Variants in BCL2L14 observed in about 807,000 individuals in gnomAD.
The protein encoded by BCL2L14 is apoptosis facilitator Bcl-2-like protein 14.
BCL2L14 carries 27 observed loss-of-function variants against 35.3 expected under a neutral mutation model. The ratio of observed to expected loss-of-function variants is 0.76; its 90% CI spans 0.56 to 1.05. The LOEUF (loss-of-function observed/expected upper bound fraction) is 1.05, where lower values mean the gene tolerates loss of function less well. Ranked by LOEUF, BCL2L14 falls within the 50% of genes least tolerant of loss-of-function variation. BCL2L14 has a pLI of 0.00. For synonymous variants in BCL2L14, 139 were observed against 145.9 expected (o/e 0.95, Z 0.34); for missense variants, 377 against 382.6 (o/e 0.99, Z 0.12).
intron 3 of BCL2L14, 80 bp from the exon 4 acceptor site, chr12:12,090,699 C>A: frequency 2.8e-6 from 3 of 1,088,836 alleles, no homozygotes; most frequent in Non-Finnish European, 1.4e-6. Context: ...TACCAAGCCA[C>A]AAGCATTCAT....
intron 2 of BCL2L14, among the ~76,000 whole-genome samples, chr12:12,085,737 G>T (rs1273914425): frequency 6.6e-6 from 1 of 152,154 alleles, no homozygotes; most frequent in African/African-American, 2.4e-5. Flanking sequence ...AATCCAGGGA[G>T]AGGGATCAGG....
intron 2 of BCL2L14, 105 bp downstream of exon 2, chr12:12,079,843 A>G (rs1193656217): frequency 3.5e-6 from 4 of 1,157,688 alleles, no homozygotes; most frequent in Non-Finnish European, 4.9e-6. Flanking sequence ...TAGAGAAGGC[A>G]TGCGTTGTGC....
chr12:12,080,951 A>G (rs1312751854), intron 2 of BCL2L14, among the ~76,000 whole-genome samples: 1 of 152,200 alleles, frequency 6.6e-6, no homozygotes, highest in Non-Finnish European at 1.5e-5. Context: ...TGGGAGGCCA[A>G]GGTGGGTGGA....
At chr12:12,082,273 G>A (rs1948944770) in intron 2 of BCL2L14, among the ~76,000 whole-genome samples, 1 of 152,180 alleles carries the variant, frequency 6.6e-6, no homozygotes, top group Non-Finnish European at 1.5e-5. Context: ...GCCCAGCTAG[G>A]GCAGGTCTAG....
intron 5 of BCL2L14, among the ~76,000 whole-genome samples, chr12:12,097,111 C>T (rs1224045390): frequency 6.6e-6 from 1 of 152,092 alleles, no homozygotes; most frequent in Non-Finnish European, 1.5e-5. Flanking sequence ...CGCCACTGCA[C>T]TCCAGCCTGG....
chr12:12,072,279 G>A (rs1948683341), intron 1 of BCL2L14: 2 of 152,258 alleles, frequency 1.3e-5, no homozygotes, highest in Non-Finnish European at 2.9e-5. Flanking sequence ...AGTCCGCAGA[G>A]CGAGAACCGT....
In BCL2L14 at chr12:12,072,876, GTT is replaced by G. The variant is rs11331613; in HGVS notation, c.-8+1749_-8+1750del. ...AAAAACTCTGTGTTTGTGTGGGTGG[GTT>G]TTTTTTTTTCTTTATTTTTGTTTCT... On this transcript the variant is annotated intron_variant, in intron 1 of 5. Transcript: ENST00000308721. 8.7e-5 allele frequency among the ~76,000 whole-genome samples: 13 copies of G among 148,834 alleles called. No homozygotes were observed. The South Asian group carries it at 1.3e-3, about 15-fold the overall frequency.
At chr12:12,054,514 A>T (rs554243123) in intron 2 of BCL2L14, 35 of 7,722 alleles carry the variant, frequency 4.5e-3, no homozygotes, top group African/African-American at 0.013. Flanking sequence ...GAAAAAAAAA[A>T]AAAATAAAAT....
At chr12:12,080,068 G>A (rs971930040) in intron 2 of BCL2L14, among the ~76,000 whole-genome samples, 2 of 152,150 alleles carry the variant, frequency 1.3e-5, no homozygotes, top group Non-Finnish European at 2.9e-5. Context: ...AGCCGGGCGT[G>A]TTGGCGGGTG....
chr12:12,085,421 G>A (rs11054673), intron 2 of BCL2L14, among the ~76,000 whole-genome samples: 23 of 152,220 alleles, frequency 1.5e-4, no homozygotes, highest in African/African-American at 5.3e-4. Flanking sequence ...GGGGCCATGG[G>A]TGGCCAGAGT....
At chr12:12,078,635 G>A (rs1008088545) in intron 1 of BCL2L14, among the ~76,000 whole-genome samples, 2 of 151,950 alleles carry the variant, frequency 1.3e-5, no homozygotes, top group East Asian at 1.9e-4. Flanking sequence ...CCCTCTGCCC[G>A]CCCTGTTGTA....
intron 2 of BCL2L14, among the ~76,000 whole-genome samples, chr12:12,055,939 C>G (rs922997906): frequency 6.6e-6 from 1 of 152,060 alleles, no homozygotes; most frequent in Non-Finnish European, 1.5e-5. Context: ...TTGGGCATGC[C>G]CCCACCCCCA....
intron 2 of BCL2L14, among the ~76,000 whole-genome samples, chr12:12,061,537 A>G (rs147667042): frequency 0.017 from 2,545 of 152,112 alleles, 72 homozygotes; most frequent in African/African-American, 0.059. Flanking sequence ...TGCCTTATCA[A>G]CCAAATTGTT....
chr12:12,090,474 TAC>T (rs1283496950), intron 3 of BCL2L14, among the ~76,000 whole-genome samples: 2 of 151,394 alleles, frequency 1.3e-5, no homozygotes, highest in African/African-American at 2.4e-5. Context: ...CTAGTAAAAA[TAC>T]AAAAAAATTA....
Position 12,087,294 on chromosome 12 carries a change from C to T in BCL2L14, c.515C>T (p.Ala172Val). ...YSWPPPQATQAGGFKSKEIFV... is the reference protein window; with the variant it reads ...YSWPPPQATQVGGFKSKEIFV... ...TGGCCACCACCACAAGCGACCCAGG[C>T]AGGAGGCTTCAAGTCCAAAGAGATT... The change falls in exon 3 of 6, where the codon GCA (alanine) becomes GTA (valine). Residue 172 changes from alanine (A) to valine (V), a missense_variant. Transcript: ENST00000308721. 3.1e-6 allele frequency: 5 copies of T among 1,614,214 alleles called. No homozygotes were observed. The highest frequency in any genetic ancestry group is 4.2e-6 in the Non-Finnish European group (5 of 1,180,020).
At chr12:12,058,375 C>T (rs765762696) in intron 2 of BCL2L14, among the ~76,000 whole-genome samples, 29 of 151,904 alleles carry the variant, frequency 1.9e-4, no homozygotes, top group African/African-American at 3.1e-4. Context: ...CTCAGCCTCC[C>T]GAGTAGCTGG....
At chr12:12,065,113 AACAG>A (rs1948578998) in intron 2 of BCL2L14, among the ~76,000 whole-genome samples, 2 of 152,322 alleles carry the variant, frequency 1.3e-5, no homozygotes, top group East Asian at 1.9e-4. Context: ...ACAAAAGAAA[AACAG>A]ACAGAAGTTT....
At chr12:12,094,165 T>C (rs1189902285) in intron 4 of BCL2L14, among the ~76,000 whole-genome samples, 1 of 151,934 alleles carries the variant, frequency 6.6e-6, no homozygotes, top group Non-Finnish European at 1.5e-5. Context: ...ATCACCATCC[T>C]AGTTTAGAGA....
At chr12:12,076,811 C>A (rs185524216) in intron 1 of BCL2L14, among the ~76,000 whole-genome samples, 1 of 152,302 alleles carries the variant, frequency 6.6e-6, no homozygotes, top group Admixed American at 6.5e-5. Flanking sequence ...TGGAAAAAGG[C>A]AGCATCCAGC....
Sources: gnomAD v4.1 joint callset for allele counts (sites outside exome capture counted in the v4.1 genomes callset) on GRCh38, gnomAD v4.1.1 for gene constraint, MANE v1.5 for transcripts, NCBI Gene and HGNC (gene_info 2026-07-23, HGNC 2026-07-21) for gene names.